CAMKMT: variants seen among roughly 807,000 people sequenced by gnomAD.
The protein encoded by CAMKMT is CaM KMT.
In CAMKMT, 53 loss-of-function variants were observed where a neutral mutation model predicts 48.0. The ratio of observed to expected loss-of-function variants is 1.10; its 90% CI spans 0.89 to 1.39. The LOEUF is 1.39. Ranked by LOEUF, CAMKMT falls within the 40% of genes most tolerant of loss-of-function variation. CAMKMT has a pLI of 0.00. For synonymous variants in CAMKMT, 165 were observed against 152.3 expected, an observed-to-expected ratio of 1.08 and a Z score of -0.61; for missense variants, 428 against 402.7, an observed-to-expected ratio of 1.06 and a Z score of -0.54.
chr2:44,715,822 C>T (rs557099358), intron 7 of CAMKMT, among the ~76,000 whole-genome samples: 2 of 152,206 alleles, frequency 1.3e-5, no homozygotes, highest in Admixed American at 1.3e-4. Flanking sequence ...ACTGAACATC[C>T]TATGTTGCTT....
At chr2:44,678,378 A>C (rs1675836769) in intron 3 of CAMKMT, among the ~76,000 whole-genome samples, 1 of 152,172 alleles carries the variant, frequency 6.6e-6, no homozygotes, top group Non-Finnish European at 1.5e-5. Flanking sequence ...GTATTCACTG[A>C]GATTGCTGCT....
chr2:44,539,639 T>A (rs932464741), intron 3 of CAMKMT, among the ~76,000 whole-genome samples: 1 of 152,172 alleles, frequency 6.6e-6, no homozygotes, highest in African/African-American at 2.4e-5. Flanking sequence ...GTCTATTTAC[T>A]CTCTTTTAAC....
At chr2:44,696,709 C>T (rs1230616681) in intron 3 of CAMKMT, among the ~76,000 whole-genome samples, 1 of 151,850 alleles carries the variant, frequency 6.6e-6, no homozygotes, top group Non-Finnish European at 1.5e-5. Flanking sequence ...TCTTTACTTC[C>T]AGAATTACCA....
chr2:44,711,871 G>A (rs1404946751), intron 6 of CAMKMT, among the ~76,000 whole-genome samples: 4 of 152,052 alleles, frequency 2.6e-5, no homozygotes, highest in Admixed American at 1.3e-4. Flanking sequence ...CCCAGGACAC[G>A]CAGCCCCCAA....
chr2:44,409,609 G>C (rs1223644278), intron 3 of CAMKMT, among the ~76,000 whole-genome samples: 1 of 152,046 alleles, frequency 6.6e-6, no homozygotes, highest in East Asian at 1.9e-4. Context: ...TGGCAGATTT[G>C]GATGGCTAAA....
At chr2:44,466,525 A>G (rs1668121793) in intron 3 of CAMKMT, among the ~76,000 whole-genome samples, 1 of 152,196 alleles carries the variant, frequency 6.6e-6, no homozygotes, top group African/African-American at 2.4e-5. Flanking sequence ...CAGCAAAAGC[A>G]GTACTCAGAG....
At chr2:44,731,677 G>A (rs1050102564) in intron 7 of CAMKMT, among the ~76,000 whole-genome samples, 1 of 152,148 alleles carries the variant, frequency 6.6e-6, no homozygotes, top group Non-Finnish European at 1.5e-5. Flanking sequence ...AAGGACATAA[G>A]TTAGTACAAG....
At chr2:44,388,713 T>C (rs757716440) in intron 2 of CAMKMT, among the ~76,000 whole-genome samples, 4 of 152,204 alleles carry the variant, frequency 2.6e-5, no homozygotes, top group Admixed American at 6.5e-5. Flanking sequence ...CTTGATGTAG[T>C]ACTCTCCCCG....
At chr2:44,540,152 G>A (rs1464328541) in intron 3 of CAMKMT, among the ~76,000 whole-genome samples, 2 of 77,856 alleles carry the variant, frequency 2.6e-5, no homozygotes, top group Admixed American at 1.6e-4. Context: ...TCTTATATAT[G>A]TATATACATA....
At chr2:44,598,285 A>G (rs965891270) in intron 3 of CAMKMT, among the ~76,000 whole-genome samples, 6 of 152,090 alleles carry the variant, frequency 3.9e-5, no homozygotes, top group East Asian at 1.9e-4. Context: ...AATTCTTTCT[A>G]TGAATCCTAA....
At chr2:44,707,069 A>G (rs1677604324) in intron 5 of CAMKMT, among the ~76,000 whole-genome samples, 1 of 151,984 alleles carries the variant, frequency 6.6e-6, no homozygotes. Context: ...GCAAGCTGAA[A>G]GGCAGAGTGA....
chr2:44,622,210 T>C (rs1310242012), intron 3 of CAMKMT, among the ~76,000 whole-genome samples: 1 of 152,232 alleles, frequency 6.6e-6, no homozygotes, highest in African/African-American at 2.4e-5. Context: ...TCCTCATAAA[T>C]TGGTAAATCT....
intron 3 of CAMKMT, among the ~76,000 whole-genome samples, chr2:44,625,496 A>G (rs1003319556): frequency 4.6e-5 from 7 of 152,036 alleles, no homozygotes; most frequent in Non-Finnish European, 8.8e-5. Context: ...TGTCTTTTTA[A>G]GAGCAGAAGA....
intron 3 of CAMKMT, among the ~76,000 whole-genome samples, chr2:44,659,566 CAAA>C (rs201673397): frequency 8.8e-6 from 1 of 113,650 alleles, no homozygotes; most frequent in Non-Finnish European, 1.8e-5. Context: ...CCCATCTCTA[CAAA>C]AAAAAAAAAA....
chr2:44,709,062 G>A (rs1034871300), intron 6 of CAMKMT, among the ~76,000 whole-genome samples: 9 of 152,150 alleles, frequency 5.9e-5, no homozygotes, highest in African/African-American at 2.2e-4. Flanking sequence ...CAATGCTAAT[G>A]TCATTAATTA....
chr2:44,612,464 G>A (rs1205400910), intron 3 of CAMKMT, among the ~76,000 whole-genome samples: 1 of 152,178 alleles, frequency 6.6e-6, no homozygotes, highest in Non-Finnish European at 1.5e-5. Flanking sequence ...AGTTAACTTT[G>A]AGGAAGTAGT....
At chr2:44,664,737 A>G (rs1674863821) in intron 3 of CAMKMT, among the ~76,000 whole-genome samples, 1 of 152,216 alleles carries the variant, frequency 6.6e-6, no homozygotes. Flanking sequence ...TTGCCTCCTC[A>G]GTGGAGAGAA....
At chr2:44,715,677 G>A (rs138764716) in intron 7 of CAMKMT, among the ~76,000 whole-genome samples, 1 of 152,190 alleles carries the variant, frequency 6.6e-6, no homozygotes, top group African/African-American at 2.4e-5. Flanking sequence ...CTTCCAGTGA[G>A]TCTCAGCCTA....
rs186348956 is a variant in CAMKMT at position 44,653,756 on chromosome 2, G to C, written c.377-50527G>C. ...TTGTAGATATAATAGCAATAATTTG[G>C]AGTTATTTTTATTCATTTTAATGAC... is the stretch of plus-strand genomic sequence containing the variant. On this transcript the variant is annotated intron_variant, in intron 3 of 10. Transcript: ENST00000378494. This position sits in a 1 kb window ranked among gnomAD's most constrained non-coding sequence, Gnocchi z 5.2. Among the ~76,000 whole-genome samples, 577 of 152,180 alleles carry C rather than the reference G, an allele frequency of 3.8e-3. 7 individuals are homozygous for C. The highest frequency in any genetic ancestry group is 3.4e-3 in the Middle Eastern group (1 of 294).
Sources: allele counts gnomAD v4.1 joint callset (sites outside exome capture counted in the v4.1 genomes callset), GRCh38; gene constraint gnomAD v4.1.1; non-coding constraint Gnocchi (gnomAD v3.1); transcripts MANE v1.5; gene names NCBI Gene and HGNC (gene_info 2026-07-23, HGNC 2026-07-21).